The following PTPRB variants were observed in gnomAD, a reference collection of about 807,000 sequenced individuals.
PTPRB encodes the protein protein tyrosine phosphatase receptor type B, also known as receptor-type tyrosine-protein phosphatase beta.
PTPRB carries 97 observed loss-of-function variants against 238.1 expected under a neutral mutation model. The ratio of observed to expected loss-of-function variants is 0.41; its 90% confidence interval spans 0.35 to 0.48. The LOEUF (loss-of-function observed/expected upper bound fraction) is 0.48. Among genes scored for constraint, PTPRB ranks in the 20% least tolerant of loss-of-function variants. The pLI, the probability that PTPRB is intolerant of heterozygous loss-of-function variation, is 0.30. For synonymous variants in PTPRB, 970 were observed against 995.4 expected, an observed-to-expected ratio of 0.97 and a Z score of 0.48; for missense variants, 2,292 against 2,681.9, an observed-to-expected ratio of 0.85 and a Z score of 3.21.
chr12:70,636,836 T>C (rs1592618886), intron 1 of PTPRB, among the ~76,000 whole-genome samples: 1 of 152,224 alleles, frequency 6.6e-6, no homozygotes, highest in South Asian at 2.1e-4. Context: ...CAAGATACTC[T>C]GGCTCAGAAA....
In PTPRB at chr12:70,616,149, G is replaced by T. The variant is rs1450168933; in HGVS notation, c.708+6241C>A. ...TATAGAGATGGGATCTCCCCATGTTGCCCAGGCTAGTCTCAAACTCCTGGG... is the reference window on the plus strand; with the variant it reads ...TATAGAGATGGGATCTCCCCATGTTTCCCAGGCTAGTCTCAAACTCCTGGG... On this transcript the variant is annotated intron_variant, in intron 3 of 33. Transcript: ENST00000334414. Among the ~76,000 whole-genome samples the T allele has an allele frequency of 2.6e-5, 4 of 151,838 alleles. No individual in the cohort carries two copies. In the East Asian group the frequency reaches 5.8e-4, roughly 22 times the overall value.
chr12:70,560,591 G>A lies in PTPRB; in HGVS notation c.4432+80C>T, dbSNP rs1456999738. On this transcript the variant is annotated intron_variant, in intron 17 of 33. Coordinates refer to ENST00000334414, the MANE Select transcript of PTPRB (RefSeq NM_001109754.4). The surrounding 1 kb of genome is among the most constrained non-coding windows in gnomAD (Gnocchi z 4.2). Reference sequence around the variant, plus strand: ...TATATCATTATTGGCTTTATCTCTTGTCATTAAAATCAGAATCAAAATGTG... The same window carrying A: ...TATATCATTATTGGCTTTATCTCTTATCATTAAAATCAGAATCAAAATGTG... 2.6e-6 allele frequency: 4 copies of A among 1,558,488 alleles called. No homozygotes were observed. The African/African-American group carries it at 4.1e-5, about 16-fold the overall frequency.
intron 10 of PTPRB, among the ~76,000 whole-genome samples, chr12:70,580,380 A>C (rs1881246832): frequency 6.6e-6 from 1 of 152,242 alleles, no homozygotes; most frequent in African/African-American, 2.4e-5. Flanking sequence ...TATAAGAGTG[A>C]AAGATGCTTT....
chr12:70,523,016 C>T (rs1014834950), intron 33 of PTPRB, among the ~76,000 whole-genome samples: 1 of 149,396 alleles, frequency 6.7e-6, no homozygotes. Context: ...GCACACGTCA[C>T]CATGCCCGGC....
intron 32 of PTPRB, among the ~76,000 whole-genome samples, chr12:70,527,291 A>T (rs430172): frequency 1.3e-5 from 2 of 152,182 alleles, no homozygotes; most frequent in African/African-American, 4.8e-5. Flanking sequence ...ACTTTGAGGG[A>T]AGGAAACTAT....
At chr12:70,539,908 C>G (rs774899558) in intron 24 of PTPRB, 31 bp downstream of exon 24, 2 of 1,587,868 alleles carry the variant, frequency 1.3e-6, no homozygotes, top group Non-Finnish European at 8.6e-7. Flanking sequence ...CATCTTTCAA[C>G]AAATTATACG....
intron 1 of PTPRB, 96 bp downstream of exon 1, chr12:70,637,245 G>A: frequency 9.0e-7 from 1 of 1,114,730 alleles, no homozygotes; most frequent in Non-Finnish European, 1.3e-6. Context: ...ATGGAGACCT[G>A]GCCCCTTCTA....
At chr12:70,580,275 A>T (rs913691587) in intron 10 of PTPRB, among the ~76,000 whole-genome samples, 1 of 152,218 alleles carries the variant, frequency 6.6e-6, no homozygotes, top group Non-Finnish European at 1.5e-5. Flanking sequence ...AACGTTGCTT[A>T]TGAAAATATA....
At chr12:70,588,770 T>G (rs920267801) in intron 8 of PTPRB, among the ~76,000 whole-genome samples, 6 of 151,980 alleles carry the variant, frequency 3.9e-5, no homozygotes, top group African/African-American at 1.2e-4. Flanking sequence ...CTGGCCAACA[T>G]GGTAAAATCC....
At position 70,563,086 on chromosome 12, in the gene PTPRB, A is replaced by G. The variant is rs1238734377; in HGVS notation, c.3926T>C (p.Leu1309Pro). The change falls in exon 16 of 34, where the codon CTG becomes CCG. Residue 1309 changes from leucine (L) to proline (P), a missense_variant. Physicochemically the swap from Leu to Pro is moderately conservative, Grantham distance 98. Transcript: ENST00000334414. ...CCTGGTGGAGTTCTCTGTGATCCTC[A>G]GGTCGGTGACAGCTGCTGGGACTGG... Reference protein sequence around the residue: ...GRTVPAAVTDLRITENSTRHL... With the variant: ...GRTVPAAVTDPRITENSTRHL... The G allele has an allele frequency of 6.2e-7, 1 of 1,613,198 alleles. No individual in the cohort carries two copies. Among genetic ancestry groups the G allele is most frequent in the African/African-American group, 1.3e-5 (1 of 74,914 alleles).
At chr12:70,539,500 A>G (rs1268883351) in intron 26 of PTPRB, 125 bp downstream of exon 26, 1 of 740,424 alleles carries the variant, frequency 1.4e-6, no homozygotes, top group Non-Finnish European at 2.3e-6. Flanking sequence ...AAGAGTGCTC[A>G]GCTGAGATTC....
Position 70,521,267 on chromosome 12 carries a change from CATT to C in PTPRB, c.*219_*221del, listed in dbSNP as rs1424554441. On this transcript the variant is annotated 3_prime_UTR_variant, in exon 34 of 34. Coordinates refer to ENST00000334414, the MANE Select transcript of PTPRB (RefSeq NM_001109754.4). Reference sequence around the variant, plus strand: ...GTATTATATAAAGCTTAATATTAAACATTATGAAAAATACATATTTACAGAAGA... The same window carrying C: ...GTATTATATAAAGCTTAATATTAAACATGAAAAATACATATTTACAGAAGA... 7.6e-5 allele frequency: 31 copies of C among 408,368 alleles called. No individual in the cohort carries two copies. Among genetic ancestry groups the C allele is most frequent in the Non-Finnish European group, 9.1e-5 (21 of 230,900 alleles). 25.3% of individuals were successfully genotyped at this position (408,368 alleles called of 1,614,324 possible).
intron 15 of PTPRB, among the ~76,000 whole-genome samples, chr12:70,564,003 C>T (rs1878873806): frequency 6.6e-6 from 1 of 152,216 alleles, no homozygotes; most frequent in South Asian, 2.1e-4. Flanking sequence ...TGTCCATCTG[C>T]ATCCCCACCA....
In PTPRB at chr12:70,515,923, A is replaced by G. The variant is rs1056140995; in HGVS notation, c.*5566T>C. The G allele has an allele frequency of 3.4e-4, 31 of 92,368 alleles. No homozygotes were observed. Among genetic ancestry groups the G allele is most frequent in the Admixed American group, 1.2e-4 (1 of 8,470 alleles). The allele number at this position is 92,368 out of a possible 1,614,324, so 5.7% of individuals were successfully genotyped here. On this transcript the variant is annotated 3_prime_UTR_variant, in exon 34 of 34. Coordinates refer to ENST00000334414, the MANE Select transcript of PTPRB (RefSeq NM_001109754.4). Reference sequence around the variant, plus strand: ...CTAGTGAGAATGTATGCAAGATGCTATATAGATTTTTTTTTTACCACAGTT... The same window carrying G: ...CTAGTGAGAATGTATGCAAGATGCTGTATAGATTTTTTTTTTACCACAGTT...
Position 70,590,253 on chromosome 12 carries a change from C to A in PTPRB, c.1781-20G>T. ...CTGGAACTAAACGGTGAAATGATGT[C>A]AAAAAGGAGATATTACAGACCAAAA... On this transcript the variant is annotated intron_variant, in intron 7 of 33. Coordinates refer to ENST00000334414, the MANE Select transcript of PTPRB (RefSeq NM_001109754.4). The A allele has an allele frequency of 6.6e-7, 1 of 1,524,770 alleles. No individual in the cohort carries two copies. Among genetic ancestry groups the A allele is most frequent in the Admixed American group, 2.1e-5 (1 of 46,892 alleles). 94.5% of individuals were successfully genotyped at this position (1,524,770 alleles called of 1,614,324 possible). A position where few individuals can be genotyped will look rare whatever the true frequency, so the allele number is the denominator to read the frequency against.
intron 11 of PTPRB, among the ~76,000 whole-genome samples, chr12:70,572,775 TA>T (rs10709963): frequency 0.29 from 27,404 of 93,724 alleles, 3,059 homozygotes; most frequent in African/African-American, 0.41. Flanking sequence ...CTCCATCTCA[TA>T]AAAAAAAAAA....
At position 70,590,159 on chromosome 12, in the gene PTPRB, G is replaced by T. The variant is rs377104152; in HGVS notation, c.1855C>A (p.Pro619Thr). The change falls in exon 8 of 34, where the codon CCT (proline) becomes ACT (threonine). Residue 619 changes from proline (P) to threonine (T), a missense_variant. Physicochemically the swap from Pro to Thr is conservative, Grantham distance 38. This residue lies in a region of PTPRB where 1,205 missense variants were observed against 1,287.8 expected (regional missense o/e 0.94). Transcript: ENST00000334414. ...CGATACTGCTCCCAGTCTCCAGCAG[G>T]GGGCGACCAGCTCACTACAAGAGAC... The part of the protein sequence containing the change: ...MRSLVVSWSP[P>T]AGDWEQYRIL... The T allele has an allele frequency of 6.2e-6, 10 of 1,612,626 alleles. No homozygotes were observed. The highest frequency in any genetic ancestry group is 7.6e-6 in the Non-Finnish European group (9 of 1,179,186).
chr12:70,575,254 C>A (rs999552945), intron 11 of PTPRB, among the ~76,000 whole-genome samples: 1 of 152,152 alleles, frequency 6.6e-6, no homozygotes, highest in African/African-American at 2.4e-5. Context: ...CTGGGACTTC[C>A]TTTATATCCA....
At chr12:70,564,586 C>T (rs968823270) in intron 15 of PTPRB, among the ~76,000 whole-genome samples, 2 of 151,156 alleles carry the variant, frequency 1.3e-5, no homozygotes, top group Non-Finnish European at 2.9e-5. Flanking sequence ...AATCCCAACA[C>T]TTTGGGAGGT....
Sources: allele counts gnomAD v4.1 joint callset (sites outside exome capture counted in the v4.1 genomes callset), GRCh38; gene constraint gnomAD v4.1.1; regional missense constraint gnomAD v4.1.1; non-coding constraint Gnocchi (gnomAD v3.1); transcripts MANE v1.5; gene names NCBI Gene and HGNC (gene_info 2026-07-23, HGNC 2026-07-21).